Variants in ANO9 observed in about 807,000 individuals in gnomAD.
The protein encoded by ANO9 is anoctamin 9.
ANO9 carries 80 observed loss-of-function variants against 100.5 expected under a neutral mutation model. The ratio of observed to expected loss-of-function variants is 0.80; its 90% confidence interval spans 0.66 to 0.96. The LOEUF is 0.96. Among genes scored for constraint, ANO9 ranks in the 40% least tolerant of loss-of-function variants. ANO9 has a pLI of 0.00. For missense variants in ANO9, 1,064 were observed against 1,072.7 expected (o/e 0.99, Z 0.11); for synonymous variants, 473 against 435.6 (o/e 1.09, Z -1.07).
chr11:424,153 CA>C (rs1848358823), intron 15 of ANO9, among the ~76,000 whole-genome samples: 1 of 152,206 alleles, frequency 6.6e-6, no homozygotes, highest in African/African-American at 2.4e-5. Context: ...CTCAGCCTCC[CA>C]AAGTGCTGGG....
intron 15 of ANO9, among the ~76,000 whole-genome samples, chr11:423,075 A>G (rs1848289960): frequency 6.6e-6 from 1 of 152,004 alleles, no homozygotes; most frequent in Non-Finnish European, 1.5e-5. Context: ...TGATCCGCCC[A>G]CCTCGGCCTC....
At chr11:426,865 G>T (rs928750275) in intron 15 of ANO9, among the ~76,000 whole-genome samples, 3 of 152,162 alleles carry the variant, frequency 2.0e-5, no homozygotes, top group African/African-American at 7.2e-5. Flanking sequence ...CTCACTAGGG[G>T]TTTGAACAAC....
intron 19 of ANO9, 30 bp downstream of exon 19, chr11:420,433 C>T: frequency 2.5e-6 from 4 of 1,595,316 alleles, no homozygotes; most frequent in East Asian, 4.5e-5. Flanking sequence ...CCGCCCAGTT[C>T]CCGCCCATCC....
rs150316626 is a variant in ANO9, at chr11:421,967, C to T, written c.1335-769G>A. On this transcript the variant is annotated intron_variant, in intron 15 of 22. Transcript: ENST00000332826. The surrounding 1 kb of genome is among the most constrained non-coding windows in gnomAD (Gnocchi z 6.8). Reference sequence around the variant, plus strand: ...TATACATTTGCAAAGAAAAAAATGACTCTTTTAGAAAACATGATTATGTAC... The same window carrying T: ...TATACATTTGCAAAGAAAAAAATGATTCTTTTAGAAAACATGATTATGTAC... Among the ~76,000 whole-genome samples, 167 of 152,288 alleles carry T rather than the reference C, an allele frequency of 1.1e-3. 1 individual carries two copies. The highest frequency in any genetic ancestry group is 9.6e-3 in the East Asian group (50 of 5,192).
At chr11:438,145 C>T (rs1256861024) in intron 1 of ANO9, among the ~76,000 whole-genome samples, 1 of 152,076 alleles carries the variant, frequency 6.6e-6, no homozygotes, top group African/African-American at 2.4e-5. Flanking sequence ...CCTCTGCAAA[C>T]AGCAGGATCA....
chr11:435,754 G>C (rs919216576), intron 1 of ANO9, among the ~76,000 whole-genome samples: 1 of 151,526 alleles, frequency 6.6e-6, no homozygotes, highest in Non-Finnish European at 1.5e-5. Context: ...GTCTAGTATA[G>C]TCTAGTCTAG....
chr11:430,287 A>G lies in ANO9; in HGVS notation c.656T>C (p.Phe219Ser). 1 of 1,584,128 alleles carries G rather than the reference A, an allele frequency of 6.3e-7. No individual in the cohort carries two copies. Among genetic ancestry groups the G allele is most frequent in the Non-Finnish European group, 8.6e-7 (1 of 1,165,924 alleles). ...GGCCCACCTGATCTGGCTGGCCTCA[A>G]ACAGCGAGAATCCGCTCAGAAAGAC... ...LLVFLSGFSLFEASQISKEIC... is the reference protein window; with the variant it reads ...LLVFLSGFSLSEASQISKEIC... The change falls in exon 8 of 23, where the codon TTT becomes TCT. Residue 219 changes from phenylalanine to serine, a missense_variant. By Grantham distance (155) the Phe-to-Ser change is radical (BLOSUM62 -2). Coordinates refer to ENST00000332826, the MANE Select transcript of ANO9 (RefSeq NM_001012302.3).
At chr11:438,197 G>A (rs956210869) in intron 1 of ANO9, among the ~76,000 whole-genome samples, 3 of 152,142 alleles carry the variant, frequency 2.0e-5, no homozygotes, top group Non-Finnish European at 2.9e-5. Context: ...CATCACTGAC[G>A]TGGGCTGACA....
Position 418,813 on chromosome 11 carries a change from T to G in ANO9, c.2037A>C (p.Arg679Ser). The change falls in exon 22 of 23, where the codon AGA becomes AGC. Residue 679 changes from arginine (R) to serine (S), a missense_variant and splice_region_variant. Arg to Ser is a moderately radical substitution (Grantham distance 110, BLOSUM62 -1). Transcript: ENST00000332826. ...CGGGGGGATTGCGGTAGTCCCTGTATCTGGGGTAAGGAAGTACCTGAGGTC... is the reference window on the plus strand; with the variant it reads ...CGGGGGGATTGCGGTAGTCCCTGTAGCTGGGGTAAGGAAGTACCTGAGGTC... The part of the protein sequence containing the change: ...IEGSENVTLC[R>S]YRDYRNPPDY... The G allele has an allele frequency of 6.2e-7, 1 of 1,613,288 alleles. No individual in the cohort carries two copies. Among genetic ancestry groups the G allele is most frequent in the South Asian group, 1.1e-5 (1 of 91,072 alleles).
chr11:433,947 G>C lies in ANO9; in HGVS notation c.82-10C>G, dbSNP rs1216402875. On this transcript the variant is annotated splice_polypyrimidine_tract_variant and intron_variant, in intron 2 of 22. Transcript: ENST00000332826. Reference sequence around the variant, plus strand: ...GCTCGGAGGCCTCGGTCTGCAGGGAGGAGGCATGGGGCCAGGCGCAGGTGA... The same window carrying C: ...GCTCGGAGGCCTCGGTCTGCAGGGACGAGGCATGGGGCCAGGCGCAGGTGA... The C allele has an allele frequency of 6.4e-7, 1 of 1,557,876 alleles. No homozygotes were observed. Among genetic ancestry groups the C allele is most frequent in the Admixed American group, 2.0e-5 (1 of 51,246 alleles).
rs1260738414 is a variant in ANO9 at position 419,437 on chromosome 11, GC to G, written c.1934+144del. 110 of 1,436,588 alleles carry G rather than the reference GC, an allele frequency of 7.7e-5. 1 individual carries two copies. The South Asian group carries it at 1.5e-3, about 20-fold the overall frequency. The allele number at this position is 1,436,588 out of a possible 1,614,324, so 89.0% of individuals were successfully genotyped here. On this transcript the variant is annotated intron_variant, in intron 20 of 22. Transcript: ENST00000332826. Reference sequence around the variant, plus strand: ...TGCCGTCAGTGGGCGCAGGGCAGGGGCCACCCCCAGGCCCCAGCCTCACTAA... The same window carrying G: ...TGCCGTCAGTGGGCGCAGGGCAGGGGCACCCCCAGGCCCCAGCCTCACTAA...
Position 420,603 on chromosome 11 carries a change from C to A in ANO9, c.1646G>T (p.Gly549Val). The A allele has an allele frequency of 6.2e-7, 1 of 1,604,856 alleles. No homozygotes were observed. ...DEFMEMMIQYGFTTIFVAAFP... is the reference protein window; with the variant it reads ...DEFMEMMIQYVFTTIFVAAFP... ...GGCGGCCACGAAGATGGTGGTGAAG[C>A]CGTACTGGATCACTGCGCGGTGGGG... The change falls in exon 19 of 23, where the codon GGC becomes GTC. Residue 549 changes from glycine to valine, a missense_variant. Physicochemically the swap from Gly to Val is moderately radical, Grantham distance 109. Coordinates refer to ENST00000332826, the MANE Select transcript of ANO9 (RefSeq NM_001012302.3).
chr11:432,399 C>T lies in ANO9; in HGVS notation c.351-345G>A. On this transcript the variant is annotated intron_variant, in intron 4 of 22. Coordinates refer to ENST00000332826, the MANE Select transcript of ANO9 (RefSeq NM_001012302.3). This position sits in a 1 kb window ranked among gnomAD's most constrained non-coding sequence, Gnocchi z 4.8. The stretch of plus-strand genomic sequence containing the variant: ...CCCATGTGTCCAGAGCACACCCCAG[C>T]CTGCATCCGCACACACCCTCCTTAT... 5.3e-6 allele frequency: 2 copies of T among 377,404 alleles called. No homozygotes were observed. 23.4% of individuals were successfully genotyped at this position (377,404 alleles called of 1,614,324 possible). A position where few individuals can be genotyped will look rare whatever the true frequency, so the allele number is the denominator to read the frequency against.
chr11:420,910 G>A (rs1367328537), intron 17 of ANO9, 35 bp downstream of exon 17: 2 of 1,596,652 alleles, frequency 1.3e-6, no homozygotes, highest in East Asian at 4.5e-5. Flanking sequence ...GGAGGGGCCT[G>A]GGGCTCCCGG....
Position 432,186 on chromosome 11 carries a change from C to T in ANO9, c.351-132G>A. On this transcript the variant is annotated intron_variant, in intron 4 of 22. Transcript: ENST00000332826. The surrounding 1 kb of genome is among the most constrained non-coding windows in gnomAD (Gnocchi z 4.8). ...AGAGCCCCCAGCCTGCCAGCCCTGA[C>T]CAGAGCCCAGAATCCACAACTCACC... The T allele has an allele frequency of 2.1e-6, 2 of 973,534 alleles. No individual in the cohort carries two copies. The highest frequency in any genetic ancestry group is 2.6e-5 in the East Asian group (1 of 38,194). The allele number at this position is 973,534 out of a possible 1,614,324, so 60.3% of individuals were successfully genotyped here. A position where few individuals can be genotyped will look rare whatever the true frequency, so the allele number is the denominator to read the frequency against.
At chr11:429,311 G>A (rs1282427397) in intron 11 of ANO9, among the ~76,000 whole-genome samples, 4 of 116,410 alleles carry the variant, frequency 3.4e-5, no homozygotes, top group Admixed American at 2.9e-4. Flanking sequence ...CATGGGACAC[G>A]CACCCCACAC....
intron 1 of ANO9, among the ~76,000 whole-genome samples, chr11:434,482 G>A (rs1276732007): frequency 2.6e-5 from 4 of 152,190 alleles, no homozygotes; most frequent in Non-Finnish European, 2.9e-5. Context: ...GAAGCCACAG[G>A]CGCCCCTGCA....
At chr11:424,526 G>C (rs897221478) in intron 15 of ANO9, among the ~76,000 whole-genome samples, 1 of 152,194 alleles carries the variant, frequency 6.6e-6, no homozygotes. Context: ...GTTAATGATA[G>C]AATGTGTGAG....
Position 420,472 on chromosome 11 carries a change from T to C in ANO9, c.1777A>G (p.Lys593Glu). Residue 593 changes from lysine to glutamate, a missense_variant, in exon 19 of 23, where the codon AAG (lysine) becomes GAG (glutamate). Transcript: ENST00000332826. ...LQRRLVPRKA[K>E]DIGTWLQVLE... ...GCCCGCCCGGTCTGACCGATGTCCTTGGCCTTGCGCGGCACCAGGCGCCGC... is the reference window on the plus strand; with the variant it reads ...GCCCGCCCGGTCTGACCGATGTCCTCGGCCTTGCGCGGCACCAGGCGCCGC... 6.2e-7 allele frequency: 1 copy of C among 1,602,704 alleles called. No individual in the cohort carries two copies. Among genetic ancestry groups the C allele is most frequent in the Non-Finnish European group, 8.5e-7 (1 of 1,179,414 alleles).
Sources: allele counts gnomAD v4.1 joint callset (sites outside exome capture counted in the v4.1 genomes callset), GRCh38; gene constraint gnomAD v4.1.1; non-coding constraint Gnocchi (gnomAD v3.1); transcripts MANE v1.5; gene names NCBI Gene and HGNC (gene_info 2026-07-23, HGNC 2026-07-21).